Variants in ABCA6 observed in about 807,000 individuals in gnomAD.
ABCA6 encodes ATP binding cassette subfamily A member 6, also known as ATP-binding cassette sub-family A member 6.
A neutral mutation model predicts 191.2 loss-of-function variants in ABCA6; 164 were observed. That is an observed-to-expected ratio of 0.86 (90% CI 0.76 to 0.98). ABCA6 has a LOEUF of 0.98. Ranked by LOEUF, ABCA6 falls within the 50% of genes least tolerant of loss-of-function variation. The pLI is 0.00. For missense variants in ABCA6, 1,958 were observed against 1,894.1 expected, an observed-to-expected ratio of 1.03 and a Z score of -0.63; for synonymous variants, 636 against 647.7, an observed-to-expected ratio of 0.98 and a Z score of 0.27.
At chr17:69,129,557 A>T in intron 7 of ABCA6, 53 bp downstream of exon 7, 1 of 1,462,818 alleles carries the variant, frequency 6.8e-7, no homozygotes, top group South Asian at 1.3e-5. Flanking sequence ...AATATTAGCT[A>T]CATATAGCTA....
Position 69,112,402 on chromosome 17 carries a change from T to C in ABCA6, c.2042-129A>G, listed in dbSNP as rs146796105. On this transcript the variant is annotated intron_variant, in intron 15 of 38. Coordinates refer to ENST00000284425, the MANE Select transcript of ABCA6 (RefSeq NM_080284.3). ...TTCAACAGGGTATAACTAGATCTAG[T>C]GTGCATTTTAACATTTGAAATACAT... 923 of 642,016 alleles carry C rather than the reference T, an allele frequency of 1.4e-3. 4 individuals are homozygous for C. The African/African-American group carries it at 0.015, about 10-fold the overall frequency. The allele number at this position is 642,016 out of a possible 1,614,324, so 39.8% of individuals were successfully genotyped here. A position where few individuals can be genotyped will look rare whatever the true frequency, so the allele number is the denominator to read the frequency against.
rs2073985869 is a variant in ABCA6 at position 69,138,721 on chromosome 17, C to G, written c.97-1221G>C. ...TACTACAAGGCCACAGTAACCAAAA[C>G]AGCATGGTACTGGTACCAAAACAGA... On this transcript the variant is annotated intron_variant, in intron 2 of 38. Coordinates refer to ENST00000284425, the MANE Select transcript of ABCA6 (RefSeq NM_080284.3). Among the ~76,000 whole-genome samples the G allele has an allele frequency of 2.0e-5, 3 of 151,068 alleles. No individual in the cohort carries two copies. The South Asian group carries it at 6.4e-4, about 32-fold the overall frequency.
intron 7 of ABCA6, 76 bp from the exon 8 acceptor site, chr17:69,128,880 T>C (rs2073807447): frequency 2.6e-6 from 3 of 1,138,562 alleles, no homozygotes; most frequent in Admixed American, 5.0e-5. Context: ...CCCAATCAAA[T>C]AAGGATTTTT....
intron 9 of ABCA6, 90 bp from the exon 10 acceptor site, chr17:69,123,497 A>T: frequency 1.1e-6 from 1 of 878,610 alleles, no homozygotes; most frequent in Non-Finnish European, 1.6e-6. Context: ...AATGCCTTGA[A>T]GTTTTAAGCA....
chr17:69,097,963 C>T lies in ABCA6; in HGVS notation c.3077G>A (p.Ser1026Asn), dbSNP rs770337864. 3.7e-6 allele frequency: 6 copies of T among 1,611,284 alleles called. No homozygotes were observed. The highest frequency in any genetic ancestry group is 3.4e-6 in the Non-Finnish European group (4 of 1,179,006). ...GCCCATGGTGATATAAGGAGAAATG[C>T]TACATAGAACCAAAAATAAGAAAAA... ...GSFFLFLVLC[S>N]ISPYITMGSI... Residue 1026 changes from serine to asparagine, a missense_variant, in exon 23 of 39, where the codon AGC becomes AAC. Ser to Asn is a conservative substitution (Grantham distance 46). Coordinates refer to ENST00000284425, the MANE Select transcript of ABCA6 (RefSeq NM_080284.3).
chr17:69,138,320 T>C (rs150517375), intron 2 of ABCA6, among the ~76,000 whole-genome samples: 4 of 152,310 alleles, frequency 2.6e-5, no homozygotes, highest in Non-Finnish European at 5.9e-5. Context: ...AATAAGCATT[T>C]GCTTGTATCC....
intron 9 of ABCA6, 90 bp downstream of exon 9, chr17:69,124,798 T>G (rs1598051023): frequency 5.9e-6 from 4 of 673,498 alleles, no homozygotes; most frequent in Non-Finnish European, 9.1e-6. Context: ...AAATATTTAA[T>G]ATTCATTTTA....
At chr17:69,081,242 A>C in intron 36 of ABCA6, 97 bp from the exon 37 acceptor site, 1 of 626,456 alleles carries the variant, frequency 1.6e-6, no homozygotes. Flanking sequence ...TTCTTCTTAA[A>C]ATAAAAGTAA....
chr17:69,127,139 G>A (rs1336673030), intron 8 of ABCA6, among the ~76,000 whole-genome samples: 2 of 152,130 alleles, frequency 1.3e-5, no homozygotes, highest in Admixed American at 6.6e-5. Flanking sequence ...ACACACAAAA[G>A]TTACACTGAA....
In ABCA6 at chr17:69,117,905, T is replaced by C; in HGVS notation, c.1488A>G (p.Ala496=). ...TTCAATGTTTTTCTTTACCTTTCAA[T>C]GCTTCCACTTTTCCAGATTTTCCTT... ...EYKGKSGKVE[A]LKGLLFDIYE... is the part of the protein sequence containing the mutation. The change falls in exon 11 of 39, where the codon GCA becomes GCG. Residue 496 remains alanine (A), a synonymous_variant. Transcript: ENST00000284425. 6.4e-7 allele frequency: 1 copy of C among 1,570,992 alleles called. No individual in the cohort carries two copies. The highest frequency in any genetic ancestry group is 8.7e-7 in the Non-Finnish European group (1 of 1,146,928).
intron 20 of ABCA6, among the ~76,000 whole-genome samples, chr17:69,103,203 T>C (rs1176837827): frequency 6.6e-6 from 1 of 152,168 alleles, no homozygotes; most frequent in Middle Eastern, 3.2e-3. Context: ...TAACATGTAA[T>C]CATAAAAATA....
intron 6 of ABCA6, among the ~76,000 whole-genome samples, chr17:69,130,167 A>T (rs1264723759): frequency 6.6e-6 from 1 of 152,014 alleles, no homozygotes; most frequent in Non-Finnish European, 1.5e-5. Context: ...ATGCAAAAAA[A>T]TTAGCCAGGC....
At chr17:69,102,791 T>C (rs1298364236) in intron 21 of ABCA6, 44 bp downstream of exon 21, 9 of 1,542,894 alleles carry the variant, frequency 5.8e-6, no homozygotes, top group South Asian at 1.3e-5. Flanking sequence ...AGCTAAAATG[T>C]AGTACTTTTT....
intron 21 of ABCA6, 68 bp from the exon 22 acceptor site, chr17:69,101,002 T>C (rs2073168537): frequency 7.5e-7 from 1 of 1,334,970 alleles, no homozygotes; most frequent in South Asian, 1.4e-5. Context: ...GGTTTATGTA[T>C]AAAAGATCCT....
At chr17:69,110,085 A>G (rs9303012) in intron 17 of ABCA6, 112,809 of 152,092 alleles carry the variant, frequency 0.74, 42,529 homozygotes, top group African/African-American at 0.86. Context: ...TAGTTAAGAT[A>G]GAAAAGGCAT....
At chr17:69,104,847 G>T (rs2073261127) in intron 20 of ABCA6, 1 of 152,320 alleles carries the variant, frequency 6.6e-6, no homozygotes, top group Non-Finnish European at 1.5e-5. Flanking sequence ...AGACGTGATG[G>T]CACGTGCCTG....
At chr17:69,138,339 T>G (rs2073980701) in intron 2 of ABCA6, among the ~76,000 whole-genome samples, 1 of 152,184 alleles carries the variant, frequency 6.6e-6, no homozygotes, top group Non-Finnish European at 1.5e-5. Flanking sequence ...CCTCTTTTAT[T>G]TCATTGAGCA....
chr17:69,125,681 TTC>T (rs2073738710), intron 8 of ABCA6, among the ~76,000 whole-genome samples: 1 of 152,104 alleles, frequency 6.6e-6, no homozygotes, highest in Admixed American at 6.6e-5. Flanking sequence ...TTAGGGCCAG[TTC>T]CTTACCCTGC....
In ABCA6 at chr17:69,102,854, A is replaced by G; in HGVS notation, c.2855T>C (p.Ile952Thr). 6.3e-7 allele frequency: 1 copy of G among 1,586,386 alleles called. No individual in the cohort carries two copies. Among genetic ancestry groups the G allele is most frequent in the African/African-American group, 1.4e-5 (1 of 73,222 alleles). ...ACATACCTTTTGTTTACCAGAAACT[A>G]TGATAGCTCCATTGTATGAGAGGCC... ...TDGLSYNGAI[I>T]VSGKQKDYRF... The change falls in exon 21 of 39, where the codon ATA (isoleucine) becomes ACA (threonine). Residue 952 changes from isoleucine (I) to threonine (T), a missense_variant. Ile to Thr is a moderately conservative substitution (Grantham distance 89). Transcript: ENST00000284425.
Sources: gnomAD v4.1 joint callset for allele counts (sites outside exome capture counted in the v4.1 genomes callset) on GRCh38, gnomAD v4.1.1 for gene constraint, MANE v1.5 for transcripts, NCBI Gene and HGNC (gene_info 2026-07-23, HGNC 2026-07-21) for gene names.